The following GNAS variants were observed in gnomAD, a reference collection of about 807,000 sequenced individuals.
GNAS encodes protein ALEX.
A neutral mutation model predicts 54.5 loss-of-function variants in GNAS; 8 were observed. That is an observed-to-expected ratio of 0.15 (90% CI 0.09 to 0.26). The LOEUF is 0.26. Among genes scored for constraint, GNAS ranks in the 10% least tolerant of loss-of-function variants. The probability of loss-of-function intolerance (pLI) is 1.00; values close to 1 mark genes in which losing one functional copy is unlikely to be tolerated. For missense variants in GNAS, 170 were observed against 529.8 expected, an observed-to-expected ratio of 0.32 and a Z score of 6.67; for synonymous variants, 204 against 191.4, an observed-to-expected ratio of 1.07 and a Z score of -0.54.
At chr20:58,892,370 CGAG>C (rs902951157) in intron 1 of GNAS, 2 of 121,478 alleles carry the variant, frequency 1.6e-5, no homozygotes, top group African/African-American at 3.7e-5. Flanking sequence ...AAGAAAGGGG[CGAG>C]GAGAGGAGGG....
At chr20:58,872,446 G>C (rs748595156) in intron 1 of GNAS, among the ~76,000 whole-genome samples, 1 of 152,138 alleles carries the variant, frequency 6.6e-6, no homozygotes, top group African/African-American at 2.4e-5. Flanking sequence ...GTTAAGTATA[G>C]ATCTTTGATG....
chr20:58,887,853 G>A (rs1444823117), upstream of GNAS, among the ~76,000 whole-genome samples: 5 of 152,294 alleles, frequency 3.3e-5, no homozygotes, highest in South Asian at 6.2e-4. Context: ...TACAATGGGG[G>A]CAGCAGTGTA....
chr20:58,861,993 T>C (rs2086807441), intron 1 of GNAS, among the ~76,000 whole-genome samples: 3 of 149,878 alleles, frequency 2.0e-5, no homozygotes, highest in African/African-American at 7.4e-5. Flanking sequence ...GTGTGAGCCA[T>C]GGCACCTGGC....
At chr20:58,875,241 G>T (rs1045122637) in intron 1 of GNAS, among the ~76,000 whole-genome samples, 1 of 152,102 alleles carries the variant, frequency 6.6e-6, no homozygotes, top group Non-Finnish European at 1.5e-5. Flanking sequence ...CTGGGTGATC[G>T]TGGATGAGCA....
intron 6 of GNAS, among the ~76,000 whole-genome samples, chr20:58,908,758 A>G (rs1044155928): frequency 7.9e-5 from 12 of 152,180 alleles, no homozygotes; most frequent in Non-Finnish European, 1.5e-4. Flanking sequence ...CCTTCTAAAA[A>G]TCAAGAATAT....
chr20:58,901,834 C>T (rs1294611692), intron 3 of GNAS, among the ~76,000 whole-genome samples: 1 of 141,538 alleles, frequency 7.1e-6, no homozygotes, highest in African/African-American at 2.6e-5. Context: ...CCCCACCGTC[C>T]GTCCCCGCCC....
intron 6 of GNAS, among the ~76,000 whole-genome samples, chr20:58,906,657 G>A (rs1395120671): frequency 1.3e-5 from 2 of 152,046 alleles, no homozygotes; most frequent in East Asian, 1.9e-4. Flanking sequence ...TCAGCCTCCC[G>A]AGTAGCTGGG....
At chr20:58,899,706 A>G (rs2090432318) in intron 3 of GNAS, among the ~76,000 whole-genome samples, 1 of 151,374 alleles carries the variant, frequency 6.6e-6, no homozygotes, top group Non-Finnish European at 1.5e-5. Context: ...CACACACATC[A>G]CACGCACACA....
intron 1 of GNAS, chr20:58,882,843 C>G (rs1371295448): frequency 6.6e-6 from 1 of 152,172 alleles, no homozygotes; most frequent in African/African-American, 2.4e-5. Context: ...ACAATATCCT[C>G]TTGATCTGTG....
chr20:58,896,860 TTTAA>T (rs1192832814), intron 2 of GNAS, among the ~76,000 whole-genome samples: 1 of 152,028 alleles, frequency 6.6e-6, no homozygotes, highest in African/African-American at 2.4e-5. Flanking sequence ...GGTGGTAGCG[TTTAA>T]TTATACCAAC....
intron 1 of GNAS, chr20:58,855,242 G>A: frequency 1.3e-6 from 2 of 1,591,848 alleles, no homozygotes; most frequent in Non-Finnish European, 1.7e-6. Context: ...GGGCCCAGAA[G>A]CGCGCAGAGA....
In GNAS at chr20:58,892,272, T is replaced by C. The variant is rs1016377713; in HGVS notation, c.139+407T>C. The C allele has an allele frequency of 1.4e-5, 11 of 770,882 alleles. No individual in the cohort carries two copies. In the African/African-American group the frequency reaches 2.2e-4, roughly 16 times the overall value. The allele number at this position is 770,882 out of a possible 1,614,324, so 47.8% of individuals were successfully genotyped here. A position where few individuals can be genotyped will look rare whatever the true frequency, so the allele number is the denominator to read the frequency against. ...TCCGGAGACTGCGACAAAAAGAGGG[T>C]TTCGGGGACAGGAAACCGGGTGGCG... is the stretch of plus-strand genomic sequence containing the variant. On this transcript the variant is annotated intron_variant, in intron 1 of 12. Coordinates refer to ENST00000371085, the MANE Select transcript of GNAS (RefSeq NM_000516.7).
upstream of GNAS, chr20:58,889,211 C>G: frequency 8.4e-7 from 1 of 1,191,442 alleles, no homozygotes; most frequent in East Asian, 9.9e-5. Flanking sequence ...CGGGCTGCGT[C>G]AGGTGGCTGG....
chr20:58,903,885 G>A (rs967519613), intron 5 of GNAS, 94 bp downstream of exon 5: 4 of 1,328,568 alleles, frequency 3.0e-6, no homozygotes, highest in Non-Finnish European at 4.3e-6. Flanking sequence ...ACATGGGCAG[G>A]AGCATCCAAA....
intron 1 of GNAS, among the ~76,000 whole-genome samples, chr20:58,882,449 A>C (rs2088299246): frequency 6.6e-6 from 1 of 152,204 alleles, no homozygotes; most frequent in Admixed American, 6.5e-5. Context: ...TGCTTGTGGC[A>C]AAAGGCCCTT....
intron 1 of GNAS, among the ~76,000 whole-genome samples, chr20:58,885,547 A>G (rs1256051426): frequency 2.6e-5 from 4 of 152,250 alleles, no homozygotes; most frequent in Non-Finnish European, 4.4e-5. Flanking sequence ...ATGAAGTTTT[A>G]TATCATGTTT....
At chr20:58,848,910 G>C in intron 1 of GNAS, 1 of 398,586 alleles carries the variant, frequency 2.5e-6, no homozygotes, top group Non-Finnish European at 4.4e-6. Context: ...GAGTCTGGTA[G>C]CCAGTCACTA....
chr20:58,880,570 G>T (rs1363584387), intron 1 of GNAS, among the ~76,000 whole-genome samples: 1 of 152,224 alleles, frequency 6.6e-6, no homozygotes, highest in Non-Finnish European at 1.5e-5. Flanking sequence ...AAGCGTGACA[G>T]CTGGGTGATT....
intron 1 of GNAS, among the ~76,000 whole-genome samples, chr20:58,894,169 C>G (rs2089810846): frequency 6.6e-6 from 1 of 152,194 alleles, no homozygotes; most frequent in African/African-American, 2.4e-5. Context: ...AATAATTTTT[C>G]AGCCACATTT....
Sources: allele counts gnomAD v4.1 joint callset (sites outside exome capture counted in the v4.1 genomes callset), GRCh38; gene constraint gnomAD v4.1.1; transcripts MANE v1.5; gene names NCBI Gene and HGNC (gene_info 2026-07-23, HGNC 2026-07-21).